Variants in ARFIP1 observed in about 807,000 individuals in gnomAD.
The protein encoded by ARFIP1 is ARF interacting protein 1, also known as arfaptin-1.
A neutral mutation model predicts 42.5 loss-of-function variants in ARFIP1; 24 were observed. The observed-to-expected ratio is 0.57, with a 90% CI of 0.41 to 0.80. The LOEUF is 0.80. ARFIP1 is among the 30% of genes least tolerant of loss of function. The probability of loss-of-function intolerance (pLI) is 0.00; values close to 1 mark genes in which losing one functional copy is unlikely to be tolerated. For missense variants in ARFIP1, 354 were observed against 434.0 expected, an observed-to-expected ratio of 0.82 and a Z score of 1.64; for synonymous variants, 141 against 153.7, an observed-to-expected ratio of 0.92 and a Z score of 0.61.
At chr4:152,830,490 A>G (rs1731173766) in intron 2 of ARFIP1, among the ~76,000 whole-genome samples, 1 of 152,198 alleles carries the variant, frequency 6.6e-6, no homozygotes, top group South Asian at 2.1e-4. Flanking sequence ...CAAGTGTACA[A>G]CTTTAAAAAC....
chr4:152,904,441 C>T (rs774096185), intron 8 of ARFIP1, among the ~76,000 whole-genome samples: 5 of 151,984 alleles, frequency 3.3e-5, no homozygotes, highest in African/African-American at 9.7e-5. Flanking sequence ...CTGCCCGCCT[C>T]GGCCTCCCAA....
At chr4:152,843,307 A>G (rs1732249650) in intron 2 of ARFIP1, among the ~76,000 whole-genome samples, 1 of 152,116 alleles carries the variant, frequency 6.6e-6, no homozygotes, top group Non-Finnish European at 1.5e-5. Context: ...TCCAGCACCT[A>G]TTCCATTGGA....
At chr4:152,907,312 A>G (rs1044339037) in intron 8 of ARFIP1, among the ~76,000 whole-genome samples, 1 of 152,158 alleles carries the variant, frequency 6.6e-6, no homozygotes, top group African/African-American at 2.4e-5. Flanking sequence ...AACAAAGTTG[A>G]TGTAGACAGA....
chr4:152,823,154 G>GAACC (rs1244757430), intron 1 of ARFIP1, among the ~76,000 whole-genome samples: 1 of 152,116 alleles, frequency 6.6e-6, no homozygotes, highest in Non-Finnish European at 1.5e-5. Flanking sequence ...CTCGCTAGAT[G>GAACC]AACCAAGAAA....
At chr4:152,878,663 G>A (rs1735570188) in intron 5 of ARFIP1, among the ~76,000 whole-genome samples, 1 of 152,096 alleles carries the variant, frequency 6.6e-6, no homozygotes, top group Non-Finnish European at 1.5e-5. Flanking sequence ...TCTTCCCACT[G>A]CTTTGGCTTC....
intron 2 of ARFIP1, among the ~76,000 whole-genome samples, chr4:152,851,367 C>T (rs1440136604): frequency 6.6e-6 from 1 of 152,054 alleles, no homozygotes; most frequent in African/African-American, 2.4e-5. Flanking sequence ...ATGACCTAGC[C>T]AGATAAAGGG....
At chr4:152,852,129 C>T (rs1321760857) in intron 2 of ARFIP1, among the ~76,000 whole-genome samples, 2 of 152,148 alleles carry the variant, frequency 1.3e-5, no homozygotes, top group Non-Finnish European at 2.9e-5. Context: ...TTTTATTATA[C>T]ACTTGTTAAG....
chr4:152,879,597 C>A (rs1735656921), intron 5 of ARFIP1, among the ~76,000 whole-genome samples: 1 of 152,144 alleles, frequency 6.6e-6, no homozygotes, highest in Non-Finnish European at 1.5e-5. Context: ...TGCCTGTAAT[C>A]CCAGCACTTT....
intron 8 of ARFIP1, among the ~76,000 whole-genome samples, chr4:152,894,271 A>G (rs1737121841): frequency 6.6e-6 from 1 of 151,640 alleles, no homozygotes; most frequent in Admixed American, 6.6e-5. Context: ...AAAATACACT[A>G]AAGGTTTGGA....
At chr4:152,893,242 A>G (rs1737012374) in intron 8 of ARFIP1, among the ~76,000 whole-genome samples, 2 of 152,126 alleles carry the variant, frequency 1.3e-5, no homozygotes, top group Non-Finnish European at 2.9e-5. Flanking sequence ...ATGAAAGTCA[A>G]CTCGGAGAGG....
At chr4:152,781,058 G>A (rs1730457801) in intron 1 of ARFIP1, among the ~76,000 whole-genome samples, 1 of 151,950 alleles carries the variant, frequency 6.6e-6, no homozygotes, top group Non-Finnish European at 1.5e-5. Flanking sequence ...ATTTGATAAG[G>A]AAAAGCCGGA....
At chr4:152,841,334 A>G (rs1185702078) in intron 2 of ARFIP1, among the ~76,000 whole-genome samples, 1 of 152,144 alleles carries the variant, frequency 6.6e-6, no homozygotes, top group Admixed American at 6.5e-5. Flanking sequence ...GTGCCAGGCC[A>G]GTTCTGTATC....
At chr4:152,808,487 T>C (rs974942572) in intron 1 of ARFIP1, among the ~76,000 whole-genome samples, 6 of 151,476 alleles carry the variant, frequency 4.0e-5, no homozygotes, top group African/African-American at 1.5e-4. Flanking sequence ...TTATATTTCT[T>C]GGGTATATTT....
At chr4:152,811,503 G>A (rs557760217) in intron 1 of ARFIP1, among the ~76,000 whole-genome samples, 3,036 of 152,228 alleles carry the variant, frequency 0.02, 48 homozygotes, top group Non-Finnish European at 0.032. Context: ...CGAGCATTGT[G>A]AACAATTTCA....
In ARFIP1 at chr4:152,829,698, A is replaced by T. The variant is rs1304378104; in HGVS notation, c.65A>T (p.Asp22Val). Residue 22 changes from aspartate to valine, a missense_variant, in exon 2 of 9, where the codon GAT becomes GTT. Coordinates refer to ENST00000353617, the MANE Select transcript of ARFIP1 (RefSeq NM_001025595.3). ...EIPVTSNGEV[D>V]DSREHSFNRD... ...CCAGTGACTAGTAATGGAGAAGTTG[A>T]TGACTCTCGTGAACATAGCTTTAAT... 2.5e-6 allele frequency: 4 copies of T among 1,611,592 alleles called. No individual in the cohort carries two copies. The highest frequency in any genetic ancestry group is 2.7e-5 in the African/African-American group (2 of 74,846).
At chr4:152,889,746 T>C (rs539543893) in intron 8 of ARFIP1, among the ~76,000 whole-genome samples, 5 of 40,586 alleles carry the variant, frequency 1.2e-4, no homozygotes, top group African/African-American at 2.5e-4. Flanking sequence ...ATACTATATA[T>C]ACTATATATT....
chr4:152,850,724 TAA>T (rs1472500392), intron 2 of ARFIP1: 1 of 152,240 alleles, frequency 6.6e-6, no homozygotes, highest in Non-Finnish European at 1.5e-5. Flanking sequence ...CTACTGAAAT[TAA>T]GGTTTGAGAA....
At chr4:152,823,326 AC>A (rs74311257) in intron 1 of ARFIP1, among the ~76,000 whole-genome samples, 57,761 of 151,984 alleles carry the variant, frequency 0.38, 12,038 homozygotes, top group Admixed American at 0.49. Flanking sequence ...GAATCATACA[AC>A]CCCTCAAGCT....
At chr4:152,906,718 A>G (rs538117787) in intron 8 of ARFIP1, among the ~76,000 whole-genome samples, 26 of 152,170 alleles carry the variant, frequency 1.7e-4, no homozygotes, top group Non-Finnish European at 2.5e-4. Flanking sequence ...AAGGAGCCAG[A>G]TCTTTTTAAT....
Sources: gnomAD v4.1 joint callset for allele counts (sites outside exome capture counted in the v4.1 genomes callset) on GRCh38, gnomAD v4.1.1 for gene constraint, MANE v1.5 for transcripts, NCBI Gene and HGNC (gene_info 2026-07-23, HGNC 2026-07-21) for gene names.